BMP6: variants seen among roughly 807,000 people sequenced by gnomAD.
BMP6 encodes the protein bone morphogenetic protein 6.
In BMP6, 17 loss-of-function variants were observed where a neutral mutation model predicts 54.1. That is an observed-to-expected ratio of 0.31 (90% CI 0.22 to 0.47). The LOEUF (loss-of-function observed/expected upper bound fraction) is 0.47, where lower values mean the gene tolerates loss of function less well. Among genes scored for constraint, BMP6 ranks in the 20% least tolerant of loss-of-function variants. The probability of loss-of-function intolerance (pLI) is 1.00; values close to 1 mark genes in which losing one functional copy is unlikely to be tolerated. For synonymous variants in BMP6, 328 were observed against 291.2 expected (o/e 1.13, Z -1.28); for missense variants, 720 against 690.4 (o/e 1.04, Z -0.48).
chr6:7,859,259 C>T (rs1158821773), intron 2 of BMP6, among the ~76,000 whole-genome samples: 1 of 152,134 alleles, frequency 6.6e-6, no homozygotes, highest in Non-Finnish European at 1.5e-5. Context: ...TTTTCTTTAT[C>T]ACAGACCCTG....
At chr6:7,754,264 C>T (rs1042868120) in intron 1 of BMP6, among the ~76,000 whole-genome samples, 1 of 151,996 alleles carries the variant, frequency 6.6e-6, no homozygotes, top group Non-Finnish European at 1.5e-5. Context: ...ACTACAGGCA[C>T]GTGCCACCAT....
chr6:7,850,563 C>A (rs928554424), intron 2 of BMP6, among the ~76,000 whole-genome samples: 1 of 152,156 alleles, frequency 6.6e-6, no homozygotes, highest in Admixed American at 6.5e-5. Flanking sequence ...AAAATCTTAC[C>A]TATTTTACAG....
At position 7,786,651 on chromosome 6, in the gene BMP6, G is replaced by A. The variant is rs189152851; in HGVS notation, c.665-58489G>A. 4.5e-4 allele frequency among the ~76,000 whole-genome samples: 68 copies of A among 152,156 alleles called. 1 individual carries two copies. The East Asian group carries it at 0.012, about 27-fold the overall frequency. On this transcript the variant is annotated intron_variant, in intron 1 of 6. Transcript: ENST00000283147. ...GAAGTACTATTGTGTATGTGGATCA[G>A]AACTGTAGATTCAATCAGCCTAGAA... is the stretch of plus-strand genomic sequence containing the variant.
At chr6:7,761,829 T>A (rs920641377) in intron 1 of BMP6, among the ~76,000 whole-genome samples, 6 of 152,248 alleles carry the variant, frequency 3.9e-5, no homozygotes, top group African/African-American at 1.4e-4. Flanking sequence ...CATTTGTTAT[T>A]GTCTCATTGC....
chr6:7,735,980 A>G (rs1204267120), intron 1 of BMP6, among the ~76,000 whole-genome samples: 2 of 152,270 alleles, frequency 1.3e-5, no homozygotes, highest in East Asian at 1.9e-4. Flanking sequence ...AAAGAATTAT[A>G]AAATACCTCA....
At chr6:7,800,079 GGTGTGTGT>G (rs72469855) in intron 1 of BMP6, among the ~76,000 whole-genome samples, 5,642 of 145,100 alleles carry the variant, frequency 0.039, 110 homozygotes, top group South Asian at 0.059. Flanking sequence ...TAAAGGAAGG[GGTGTGTGT>G]GTGTGTGTGT....
chr6:7,790,514 CAAAAAAAAAAAAA>C (rs35572440), intron 1 of BMP6, among the ~76,000 whole-genome samples: 1,239 of 73,516 alleles, frequency 0.017, 28 homozygotes, highest in Middle Eastern at 0.033. Context: ...GACCCTGTCT[CAAAAAAAAAAAAA>C]AAAAAAAAAA....
chr6:7,748,896 T>A (rs1757384291), intron 1 of BMP6, among the ~76,000 whole-genome samples: 1 of 152,234 alleles, frequency 6.6e-6, no homozygotes. Context: ...GATGATGTCC[T>A]AATCCTGGAA....
At chr6:7,786,019 A>C (rs758234891) in intron 1 of BMP6, among the ~76,000 whole-genome samples, 1 of 152,210 alleles carries the variant, frequency 6.6e-6, no homozygotes. Flanking sequence ...CCTTGTATTA[A>C]CGAATGTGCC....
chr6:7,728,494 C>G (rs1401164263), intron 1 of BMP6, among the ~76,000 whole-genome samples: 11 of 150,326 alleles, frequency 7.3e-5, no homozygotes, highest in Non-Finnish European at 2.9e-5. Context: ...CGGACCCAGT[C>G]ACATCGCCCT....
intron 1 of BMP6, among the ~76,000 whole-genome samples, chr6:7,807,338 G>C (rs1182992315): frequency 6.6e-6 from 1 of 152,170 alleles, no homozygotes; most frequent in East Asian, 1.9e-4. Flanking sequence ...TTGTTGCCCA[G>C]GCTGGAGTGC....
chr6:7,761,600 C>A (rs899229052), intron 1 of BMP6, among the ~76,000 whole-genome samples: 2 of 152,200 alleles, frequency 1.3e-5, no homozygotes, highest in African/African-American at 4.8e-5. Context: ...GACATGGCCA[C>A]TGACACAGCA....
chr6:7,789,738 C>T (rs913693792), intron 1 of BMP6, among the ~76,000 whole-genome samples: 10 of 152,046 alleles, frequency 6.6e-5, no homozygotes, highest in Non-Finnish European at 1.5e-5. Flanking sequence ...TATGGGATTT[C>T]TTAGACTCTC....
intron 2 of BMP6, among the ~76,000 whole-genome samples, chr6:7,861,204 C>CG (rs1759328111): frequency 4.4e-5 from 2 of 45,326 alleles, no homozygotes; most frequent in African/African-American, 1.7e-4. Flanking sequence ...AGAGGGTCTG[C>CG]CGTGTCGGGG....
intron 1 of BMP6, among the ~76,000 whole-genome samples, chr6:7,831,343 A>C (rs1211587794): frequency 6.6e-6 from 1 of 152,190 alleles, no homozygotes; most frequent in East Asian, 1.9e-4. Flanking sequence ...CTTTGTGTAG[A>C]GGCGATGAAA....
intron 1 of BMP6, among the ~76,000 whole-genome samples, chr6:7,803,960 C>T (rs1758309642): frequency 6.6e-6 from 1 of 152,208 alleles, no homozygotes; most frequent in African/African-American, 2.4e-5. Context: ...AATCAGATCT[C>T]TGAGCATAGG....
chr6:7,796,394 A>G (rs1023484317), intron 1 of BMP6, among the ~76,000 whole-genome samples: 2 of 152,276 alleles, frequency 1.3e-5, no homozygotes, highest in South Asian at 2.1e-4. Flanking sequence ...GTCGCAGGAA[A>G]GTCCCTTCTG....
At chr6:7,837,943 C>T (rs1758899518) in intron 1 of BMP6, among the ~76,000 whole-genome samples, 1 of 151,970 alleles carries the variant, frequency 6.6e-6, no homozygotes. Context: ...CAAAAGAAAA[C>T]ACCAGAATCA....
intron 1 of BMP6, among the ~76,000 whole-genome samples, chr6:7,750,235 T>C (rs540100456): frequency 1.3e-5 from 2 of 152,328 alleles, no homozygotes; most frequent in African/African-American, 4.8e-5. Flanking sequence ...GCTGGCTGAT[T>C]TGCCAGGTGC....
Sources: allele counts gnomAD v4.1 joint callset (sites outside exome capture counted in the v4.1 genomes callset), GRCh38; gene constraint gnomAD v4.1.1; transcripts MANE v1.5; gene names NCBI Gene and HGNC (gene_info 2026-07-23, HGNC 2026-07-21).